YWHAE: variants seen among roughly 807,000 people sequenced by gnomAD.
The protein encoded by YWHAE is tyrosine 3-monooxygenase/tryptophan 5-monooxygenase activation protein epsilon.
In YWHAE, 4 loss-of-function variants were observed where a neutral mutation model predicts 30.1. The ratio of observed to expected loss-of-function variants is 0.13; its 90% CI spans 0.07 to 0.30. The LOEUF is 0.30. Ranked by LOEUF, YWHAE falls within the 10% of genes least tolerant of loss-of-function variation. YWHAE has a pLI of 1.00. For synonymous variants in YWHAE, 118 were observed against 111.8 expected (o/e 1.06, Z -0.35); for missense variants, 121 against 315.9 (o/e 0.38, Z 4.68).
intron 1 of YWHAE, among the ~76,000 whole-genome samples, chr17:1,386,728 T>C (rs2073305555): frequency 6.6e-6 from 1 of 152,116 alleles, no homozygotes; most frequent in Non-Finnish European, 1.5e-5. Context: ...GGCAGGCGGA[T>C]CACCTGAGGC....
intron 2 of YWHAE, among the ~76,000 whole-genome samples, chr17:1,364,086 CTTT>C (rs1210463760): frequency 6.6e-6 from 1 of 151,866 alleles, no homozygotes; most frequent in Non-Finnish European, 1.5e-5. Flanking sequence ...GGCTGTCCAA[CTTT>C]TTTTTAACAA....
chr17:1,388,017 C>A (rs1259316304), intron 1 of YWHAE, among the ~76,000 whole-genome samples: 1 of 148,432 alleles, frequency 6.7e-6, no homozygotes, highest in East Asian at 2.0e-4. Flanking sequence ...CCTTTGCCTC[C>A]CGGGTTCAAG....
intron 4 of YWHAE, among the ~76,000 whole-genome samples, chr17:1,354,968 T>TTTTTTTTG (rs2072705453): frequency 6.6e-5 from 1 of 15,164 alleles, no homozygotes; most frequent in South Asian, 1.8e-3. Flanking sequence ...AGCCTAGTTT[T>TTTTTTTTG]TTTTTTTTTT....
At chr17:1,365,301 A>G (rs2072925362) in intron 1 of YWHAE, among the ~76,000 whole-genome samples, 2 of 152,200 alleles carry the variant, frequency 1.3e-5, no homozygotes, top group South Asian at 4.1e-4. Context: ...ATACTATCTA[A>G]TATAATTTAG....
At chr17:1,367,212 T>C (rs1010029484) in intron 1 of YWHAE, among the ~76,000 whole-genome samples, 2 of 152,162 alleles carry the variant, frequency 1.3e-5, no homozygotes, top group Non-Finnish European at 2.9e-5. Context: ...CTATTCATAA[T>C]AGCCAAAAAG....
intron 1 of YWHAE, among the ~76,000 whole-genome samples, chr17:1,372,535 A>G (rs111262283): frequency 4.6e-5 from 7 of 152,342 alleles, no homozygotes; most frequent in Non-Finnish European, 8.8e-5. Flanking sequence ...CTTTTTATTT[A>G]AAGTGAGAGA....
chr17:1,394,830 G>C (rs1270076500), intron 1 of YWHAE, among the ~76,000 whole-genome samples: 1 of 150,750 alleles, frequency 6.6e-6, no homozygotes, highest in Non-Finnish European at 1.5e-5. Flanking sequence ...AGCCAGGTGC[G>C]ATGGCGGGCG....
At chr17:1,346,235 G>A (rs528677879) in intron 5 of YWHAE, among the ~76,000 whole-genome samples, 41 of 152,172 alleles carry the variant, frequency 2.7e-4, no homozygotes, top group Admixed American at 2.4e-3. Flanking sequence ...TTGGTTGGAG[G>A]GTCATCTACC....
intron 1 of YWHAE, among the ~76,000 whole-genome samples, chr17:1,388,594 T>C (rs2150874830): frequency 7.0e-6 from 1 of 143,042 alleles, no homozygotes; most frequent in African/African-American, 2.6e-5. Context: ...TTTTTTTTAA[T>C]AGAAACGGAG....
chr17:1,354,423 T>A (rs2072692823), intron 4 of YWHAE, 76 bp from the exon 5 acceptor site: 1 of 1,431,368 alleles, frequency 7.0e-7, no homozygotes, highest in African/African-American at 1.4e-5. Context: ...TAGACAGCAA[T>A]CTTTTCTTCA....
intron 4 of YWHAE, among the ~76,000 whole-genome samples, chr17:1,357,368 A>C: frequency 7.5e-6 from 1 of 133,104 alleles, no homozygotes; most frequent in South Asian, 2.3e-4. Context: ...GCGCTACTGC[A>C]CTCCAGCCTG....
At chr17:1,348,726 T>C (rs1377212418) in intron 5 of YWHAE, among the ~76,000 whole-genome samples, 1 of 152,076 alleles carries the variant, frequency 6.6e-6, no homozygotes, top group African/African-American at 2.4e-5. Context: ...TCAAAACCAA[T>C]TTATTAAAAA....
chr17:1,358,829 T>TAGA (rs369813416), intron 4 of YWHAE, among the ~76,000 whole-genome samples: 1 of 111,352 alleles, frequency 9.0e-6, no homozygotes, highest in Non-Finnish European at 1.8e-5. Context: ...GACTCCATCT[T>TAGA]AAAAAAAAAA....
chr17:1,380,240 T>C (rs566664250), intron 1 of YWHAE, among the ~76,000 whole-genome samples: 14 of 151,924 alleles, frequency 9.2e-5, no homozygotes, highest in African/African-American at 3.4e-4. Context: ...GCCTCCGAAG[T>C]AGCTGGGATT....
intron 2 of YWHAE, among the ~76,000 whole-genome samples, chr17:1,364,515 C>T (rs553433551): frequency 1.1e-4 from 17 of 152,194 alleles, no homozygotes; most frequent in Non-Finnish European, 1.0e-4. Context: ...CCTGAGCCAC[C>T]GCGCCTGGCC....
At chr17:1,390,980 G>T (rs557284369) in intron 1 of YWHAE, among the ~76,000 whole-genome samples, 2 of 152,258 alleles carry the variant, frequency 1.3e-5, no homozygotes, top group African/African-American at 4.8e-5. Flanking sequence ...TTTTATGTGG[G>T]TATTTGGTAT....
intron 1 of YWHAE, 45 bp downstream of exon 1, chr17:1,400,002 C>T (rs1452230635): frequency 1.2e-6 from 2 of 1,610,572 alleles, no homozygotes; most frequent in Non-Finnish European, 1.7e-6. Flanking sequence ...TGGGCGGCGG[C>T]AGAGGGTCCG....
At chr17:1,349,587 A>G (rs1420504021) in intron 5 of YWHAE, among the ~76,000 whole-genome samples, 1 of 151,792 alleles carries the variant, frequency 6.6e-6, no homozygotes, top group Non-Finnish European at 1.5e-5. Flanking sequence ...CAGACTCAAT[A>G]AGGAATTGAA....
At chr17:1,384,787 C>T (rs1382606227) in intron 1 of YWHAE, among the ~76,000 whole-genome samples, 1 of 151,954 alleles carries the variant, frequency 6.6e-6, no homozygotes, top group East Asian at 2.0e-4. Context: ...CTCACTGCAA[C>T]CTCCGCCTCC....
Sources: gnomAD v4.1 joint callset for allele counts (sites outside exome capture counted in the v4.1 genomes callset) on GRCh38, gnomAD v4.1.1 for gene constraint, MANE v1.5 for transcripts, NCBI Gene and HGNC (gene_info 2026-07-23, HGNC 2026-07-21) for gene names.